THTPA: variants seen among roughly 807,000 people sequenced by gnomAD.
THTPA encodes the protein thiamine triphosphatase, also known as thiamine-triphosphatase.
THTPA carries 16 observed loss-of-function variants against 16.5 expected under a neutral mutation model. The ratio of observed to expected loss-of-function variants is 0.97; its 90% CI spans 0.66 to 1.47. The LOEUF (loss-of-function observed/expected upper bound fraction) is 1.47, where lower values mean the gene tolerates loss of function less well. THTPA is among the 40% of genes most tolerant of loss of function. THTPA has a pLI of 0.00. For synonymous variants in THTPA, 110 were observed against 115.5 expected (o/e 0.95, Z 0.30); for missense variants, 281 against 280.9 (o/e 1.00, Z 0.00).
chr14:23,553,231 G>T (rs1172038420), upstream of THTPA, among the ~76,000 whole-genome samples: 3 of 152,196 alleles, frequency 2.0e-5, no homozygotes, highest in Non-Finnish European at 4.4e-5. Flanking sequence ...TGAACATTTT[G>T]AGTTTATACT....
At chr14:23,539,418 C>T in the THTPA span, among the ~76,000 whole-genome samples, 13 of 151,978 alleles carry the variant, frequency 8.6e-5, no homozygotes, top group Admixed American at 4.6e-4. Context: ...AGAAAGCTGC[C>T]GAGAGAGAAA....
the THTPA span, among the ~76,000 whole-genome samples, chr14:23,546,538 A>G: frequency 6.6e-6 from 1 of 152,094 alleles, no homozygotes; most frequent in Admixed American, 6.6e-5. This position sits in a 1 kb window ranked among gnomAD's most constrained non-coding sequence, Gnocchi z 4.7. Flanking sequence ...TACATGAGGA[A>G]GCCACTGAGA....
chr14:23,527,766 C>T, the THTPA span: 1 of 1,536,152 alleles, frequency 6.5e-7, no homozygotes. Context: ...CCTGGCTGGA[C>T]TCTGGGCTCA....
chr14:23,554,848 G>A (rs182415081), upstream of THTPA, among the ~76,000 whole-genome samples: 126 of 152,266 alleles, frequency 8.3e-4, 1 homozygote, highest in African/African-American at 2.8e-3. Context: ...GTTCCTCAGG[G>A]AGCTTCCTCA....
the THTPA span, among the ~76,000 whole-genome samples, chr14:23,544,626 A>G: frequency 4.1e-4 from 63 of 152,228 alleles, no homozygotes; most frequent in Middle Eastern, 3.4e-3. Context: ...GTGAGCCCGT[A>G]TGTGGTTGGC....
the THTPA span, chr14:23,543,622 G>C: frequency 6.6e-6 from 1 of 152,340 alleles, no homozygotes; most frequent in Non-Finnish European, 1.5e-5. Flanking sequence ...CCATGCAGGG[G>C]CACTGGCCAT....
chr14:23,517,589 G>T, the THTPA span, among the ~76,000 whole-genome samples: 1 of 152,128 alleles, frequency 6.6e-6, no homozygotes, highest in Admixed American at 6.5e-5. Context: ...GTTTTTCATG[G>T]TGACATCATA....
At chr14:23,534,378 C>T in the THTPA span, 4 of 1,536,790 alleles carry the variant, frequency 2.6e-6, no homozygotes, top group African/African-American at 1.4e-5. This position sits in a 1 kb window ranked among gnomAD's most constrained non-coding sequence, Gnocchi z 4.5. Flanking sequence ...GGGCCACATT[C>T]GCCTCCATGT....
the THTPA span, chr14:23,534,839 G>A: frequency 2.6e-6 from 4 of 1,536,178 alleles, no homozygotes; most frequent in South Asian, 1.2e-5. The surrounding 1 kb of genome is among the most constrained non-coding windows in gnomAD (Gnocchi z 4.5). Context: ...AGGTGTGAGG[G>A]GGGTGGGTAG....
chr14:23,558,312 T>A (rs796294090), intron 1 of THTPA, among the ~76,000 whole-genome samples: 14 of 152,376 alleles, frequency 9.2e-5, no homozygotes, highest in African/African-American at 3.4e-4. Flanking sequence ...TGCATGTGCT[T>A]CATTACTAAG....
At chr14:23,518,401 G>A in the THTPA span, among the ~76,000 whole-genome samples, 12 of 152,232 alleles carry the variant, frequency 7.9e-5, no homozygotes, top group Non-Finnish European at 1.8e-4. This position sits in a 1 kb window ranked among gnomAD's most constrained non-coding sequence, Gnocchi z 4.5. Context: ...ACTTCTGTAA[G>A]TATACTCCAG....
At chr14:23,523,259 A>C in the THTPA span, 2 of 1,436,098 alleles carry the variant, frequency 1.4e-6, no homozygotes, top group Non-Finnish European at 1.8e-6. The surrounding 1 kb of genome is among the most constrained non-coding windows in gnomAD (Gnocchi z 4.1). Flanking sequence ...TGGGCCAGAT[A>C]AGAGGACCGG....
chr14:23,526,398 C>T, the THTPA span: 1 of 1,536,232 alleles, frequency 6.5e-7, no homozygotes, highest in Admixed American at 2.0e-5. Flanking sequence ...AGAAACTTGT[C>T]CAGGGCAAAG....
Position 23,560,015 on chromosome 14 carries a change from C to A in THTPA, c.*1175C>A. ...GCTGGAACTGTGTTCCCACTGGGGGCCTGCAGCTGCAGCTGGAGACTCTGA... is the reference window on the plus strand; with the variant it reads ...GCTGGAACTGTGTTCCCACTGGGGGACTGCAGCTGCAGCTGGAGACTCTGA... On this transcript the variant is annotated 3_prime_UTR_variant, in exon 2 of 2. Transcript: ENST00000288014. 2 of 1,609,106 alleles carry A rather than the reference C, an allele frequency of 1.2e-6. No individual in the cohort carries two copies. Among genetic ancestry groups the A allele is most frequent in the African/African-American group, 2.7e-5 (2 of 74,940 alleles).
At chr14:23,525,065 T>C in the THTPA span, 9 of 1,536,022 alleles carry the variant, frequency 5.9e-6, no homozygotes, top group Admixed American at 7.8e-5. This position sits in a 1 kb window ranked among gnomAD's most constrained non-coding sequence, Gnocchi z 5.9. Flanking sequence ...TGCGAGTCGC[T>C]CCACCTCTCC....
At chr14:23,535,463 C>T in the THTPA span, 3 of 1,082,926 alleles carry the variant, frequency 2.8e-6, no homozygotes, top group African/African-American at 1.6e-5. This position sits in a 1 kb window ranked among gnomAD's most constrained non-coding sequence, Gnocchi z 4.5. Context: ...GCCCCATCCT[C>T]TTCCCTGAAC....
At chr14:23,527,901 C>CAT in the THTPA span, 2 of 448,792 alleles carry the variant, frequency 4.5e-6, no homozygotes, top group South Asian at 2.3e-5. Context: ...GCCCCCACTC[C>CAT]TTTTTTTTTT....
At chr14:23,534,351 G>A in the THTPA span, 1 of 1,536,702 alleles carries the variant, frequency 6.5e-7, no homozygotes, top group South Asian at 1.2e-5. This position sits in a 1 kb window ranked among gnomAD's most constrained non-coding sequence, Gnocchi z 4.5. Context: ...CTGCCTCAGG[G>A]GGGCCATCCT....
chr14:23,522,222 G>C, the THTPA span: 1 of 1,477,942 alleles, frequency 6.8e-7, no homozygotes, highest in South Asian at 1.4e-5. Flanking sequence ...ACCCGCAATG[G>C]GGGTGGCATG....
Sources: gnomAD v4.1 joint callset for allele counts (sites outside exome capture counted in the v4.1 genomes callset) on GRCh38, gnomAD v4.1.1 for gene constraint, Gnocchi (gnomAD v3.1) non-coding constraint, MANE v1.5 for transcripts, NCBI Gene and HGNC (gene_info 2026-07-23, HGNC 2026-07-21) for gene names.